Variants in MTCL1 observed in about 807,000 individuals in gnomAD.
MTCL1 encodes microtubule cross-linking factor 1.
Under a neutral mutation model 141.4 loss-of-function variants are expected in MTCL1, and 79 were observed. The observed-to-expected ratio is 0.56, with a 90% CI of 0.47 to 0.67. MTCL1 has a LOEUF of 0.67. Ranked by LOEUF, MTCL1 falls within the 30% of genes least tolerant of loss-of-function variation. MTCL1 has a pLI of 0.00. For synonymous variants in MTCL1, 914 were observed against 875.8 expected (o/e 1.04, Z -0.77); for missense variants, 2,177 against 2,113.9 (o/e 1.03, Z -0.59).
In MTCL1 at chr18:8,727,923, C is replaced by T. The variant is rs147054953; in HGVS notation, c.357+7427C>T. 6.5e-3 allele frequency among the ~76,000 whole-genome samples: 857 copies of T among 132,700 alleles called. 9 individuals carry two copies. The highest frequency in any genetic ancestry group is 8.0e-3 in the Non-Finnish European group (501 of 62,924). The allele number at this position is 132,700 out of a possible 152,430, so 87.1% of individuals were successfully genotyped here. A position where few individuals can be genotyped will look rare whatever the true frequency, so the allele number is the denominator to read the frequency against. ...CTCTCTCTCTCTCTTTCTTTGACTT[C>T]TCTTTGAGTTTTTAATTCTGTGTCT... On this transcript the variant is annotated intron_variant, in intron 4 of 16. Transcript: ENST00000359865.
At chr18:8,742,707 A>G (rs562346445) in intron 4 of MTCL1, among the ~76,000 whole-genome samples, 1 of 152,366 alleles carries the variant, frequency 6.6e-6, no homozygotes, top group East Asian at 1.9e-4. Flanking sequence ...TATGCTGACT[A>G]TTTCAAAGCA....
chr18:8,817,518 A>G (rs2076696059), intron 12 of MTCL1, among the ~76,000 whole-genome samples: 1 of 152,152 alleles, frequency 6.6e-6, no homozygotes, highest in Non-Finnish European at 1.5e-5. Context: ...ACAATGAGCA[A>G]ACGTCCTTTT....
intron 3 of MTCL1, among the ~76,000 whole-genome samples, chr18:8,719,174 A>G (rs1216971437): frequency 6.6e-6 from 1 of 152,236 alleles, no homozygotes; most frequent in East Asian, 1.9e-4. Context: ...AGAAGTGGGA[A>G]TAATGGGAAG....
chr18:8,756,451 A>G (rs951627371), intron 4 of MTCL1, among the ~76,000 whole-genome samples: 130 of 143,642 alleles, frequency 9.1e-4, no homozygotes, highest in African/African-American at 3.4e-3. Context: ...ATGTGTATAT[A>G]TGTGTATATA....
exon 15 of MTCL1, chr18:8,826,137 T>C (rs760825651): frequency 3.1e-6 from 5 of 1,613,390 alleles, no homozygotes. Flanking sequence ...GGAACATGCC[T>C]TAAAGGAGGA....
At chr18:8,805,268 C>T (rs1383187151) in intron 10 of MTCL1, among the ~76,000 whole-genome samples, 1 of 152,062 alleles carries the variant, frequency 6.6e-6, no homozygotes, top group South Asian at 2.1e-4. Flanking sequence ...CTCCTCGCAA[C>T]CCCTTTTGGA....
exon 11 of MTCL1, chr18:8,806,940 G>C (rs1347765410): frequency 6.2e-7 from 1 of 1,613,674 alleles, no homozygotes; most frequent in African/African-American, 1.3e-5. Flanking sequence ...CCTTGCTGGA[G>C]GACTTCCGTG....
At chr18:8,812,564 G>A (rs1598771566) in intron 11 of MTCL1, among the ~76,000 whole-genome samples, 2 of 152,116 alleles carry the variant, frequency 1.3e-5, no homozygotes, top group Non-Finnish European at 2.9e-5. Flanking sequence ...ATCTTGTTTG[G>A]TTTTGATATT....
At chr18:8,805,636 A>G (rs1018083669) in intron 10 of MTCL1, among the ~76,000 whole-genome samples, 5 of 152,182 alleles carry the variant, frequency 3.3e-5, no homozygotes, top group Non-Finnish European at 5.9e-5. Context: ...TTGCTGAACC[A>G]GGGAGGAGAG....
At chr18:8,750,411 G>A (rs472872) in intron 4 of MTCL1, among the ~76,000 whole-genome samples, 58,661 of 152,090 alleles carry the variant, frequency 0.39, 12,233 homozygotes, top group African/African-American at 0.54. Flanking sequence ...GAGAGAGCCC[G>A]GTCCTGGAGG....
At chr18:8,776,719 CTAGTTATT>C (rs1161241986) in intron 4 of MTCL1, among the ~76,000 whole-genome samples, 77 of 138,848 alleles carry the variant, frequency 5.5e-4, no homozygotes, top group Middle Eastern at 7.1e-3. Context: ...TCAGGAAACA[CTAGTTATT>C]TATTTATTTA....
At chr18:8,774,965 C>G (rs1466365811) in intron 4 of MTCL1, among the ~76,000 whole-genome samples, 1 of 152,110 alleles carries the variant, frequency 6.6e-6, no homozygotes, top group Admixed American at 6.5e-5. Context: ...GGAAGGGACA[C>G]ATGGGGTAGG....
chr18:8,771,442 T>A (rs74434031), intron 4 of MTCL1, among the ~76,000 whole-genome samples: 1 of 152,252 alleles, frequency 6.6e-6, no homozygotes, highest in Non-Finnish European at 1.5e-5. Flanking sequence ...TCTGTAAGAA[T>A]TCTGAAAATT....
rs147315399 is a variant in MTCL1 at position 8,786,627 on chromosome 18, C to T, written c.1887+536C>T. ...TGTCACCACAGTAACCCGGTATACA[C>T]AAGGCTTCAGCCACCACAGAGACCA... On this transcript the variant is annotated intron_variant, in intron 7 of 16. Coordinates refer to ENST00000359865, the Ensembl canonical transcript of MTCL1. The T allele has an allele frequency of 1.6e-4, 51 of 321,580 alleles. No homozygotes were observed. The East Asian group carries it at 3.6e-3, about 23-fold the overall frequency. The allele number at this position is 321,580 out of a possible 1,614,324, so 19.9% of individuals were successfully genotyped here. A position where few individuals can be genotyped will look rare whatever the true frequency, so the allele number is the denominator to read the frequency against.
chr18:8,800,742 A>AT (rs1228644112), intron 10 of MTCL1: 4 of 152,242 alleles, frequency 2.6e-5, no homozygotes, highest in African/African-American at 9.6e-5. Flanking sequence ...TTTCATGCTG[A>AT]TTAGTAATTC....
chr18:8,705,740 A>G lies in MTCL1; in HGVS notation c.80A>G (p.His27Arg), dbSNP rs1477866241. The G allele has an allele frequency of 8.3e-6, 10 of 1,204,260 alleles. No individual in the cohort carries two copies. Among genetic ancestry groups the G allele is most frequent in the Non-Finnish European group, 9.3e-6 (9 of 970,126 alleles). The allele number at this position is 1,204,260 out of a possible 1,614,324, so 74.6% of individuals were successfully genotyped here. A position where few individuals can be genotyped will look rare whatever the true frequency, so the allele number is the denominator to read the frequency against. Residue 27 changes from histidine to arginine, a missense_variant, in exon 1 of 14, where the codon CAC becomes CGC. His to Arg is a conservative substitution (Grantham distance 29). Transcript: ENST00000306329. This position sits in a 1 kb window ranked among gnomAD's most constrained non-coding sequence, Gnocchi z 5.2. ...CCGCCCGGCCAGCACCACCGCCACC[A>G]CCACCTCCACCCGGTGGCCGAAAGG...
intron 14 of MTCL1, among the ~76,000 whole-genome samples, chr18:8,823,232 T>G (rs974162833): frequency 6.6e-6 from 1 of 152,204 alleles, no homozygotes; most frequent in Non-Finnish European, 1.5e-5. Flanking sequence ...CTTTGGCCAC[T>G]GCTGAGGTTA....
In MTCL1 at chr18:8,830,296, C is replaced by T; in HGVS notation, c.*19-1311C>T. On this transcript the variant is annotated intron_variant, in intron 16 of 16. Transcript: ENST00000359865. This position sits in a 1 kb window ranked among gnomAD's most constrained non-coding sequence, Gnocchi z 6.4. ...ATGCTTTGGGAACAGAAGCTTCTCC[C>T]TGTGGCCGTATGAAGTTCCAGCCAC... is the stretch of plus-strand genomic sequence containing the variant. 1.0e-6 allele frequency: 1 copy of T among 985,486 alleles called. No homozygotes were observed. Among genetic ancestry groups the T allele is most frequent in the East Asian group, 1.1e-4 (1 of 8,818 alleles). 61.0% of individuals were successfully genotyped at this position (985,486 alleles called of 1,614,324 possible).
rs1445580393 is a variant in MTCL1, at chr18:8,705,982, A to G, written c.322A>G (p.Lys108Glu). The change falls in exon 1 of 14, where the codon AAG becomes GAG. Residue 108 changes from lysine (K) to glutamate (E), a missense_variant. Physicochemically the swap from Lys to Glu is moderately conservative, Grantham distance 56 (BLOSUM62 1). Transcript: ENST00000306329. The surrounding 1 kb of genome is among the most constrained non-coding windows in gnomAD (Gnocchi z 5.2). ...GCGCAGTGGCGGCGTCCCGGGCGCGAAGGACAAGCCCCCGCCGGGCGCCGG... is the reference window on the plus strand; with the variant it reads ...GCGCAGTGGCGGCGTCCCGGGCGCGGAGGACAAGCCCCCGCCGGGCGCCGG... 2 of 1,138,342 alleles carry G rather than the reference A, an allele frequency of 1.8e-6. No homozygotes were observed. Among genetic ancestry groups the G allele is most frequent in the African/African-American group, 1.7e-5 (1 of 60,340 alleles). 70.5% of individuals were successfully genotyped at this position (1,138,342 alleles called of 1,614,324 possible).
Sources: gnomAD v4.1 joint callset for allele counts (sites outside exome capture counted in the v4.1 genomes callset) on GRCh38, gnomAD v4.1.1 for gene constraint, Gnocchi (gnomAD v3.1) non-coding constraint, MANE v1.5 for transcripts, NCBI Gene and HGNC (gene_info 2026-07-23, HGNC 2026-07-21) for gene names.